BTRC: variants seen among roughly 807,000 people sequenced by gnomAD.
BTRC encodes beta-transducin repeat containing E3 ubiquitin protein ligase, also known as F-box/WD repeat-containing protein 1A.
Under a neutral mutation model 85.5 loss-of-function variants are expected in BTRC, and 42 were observed. That is an observed-to-expected ratio of 0.49 (90% CI 0.38 to 0.64). The LOEUF (loss-of-function observed/expected upper bound fraction) is 0.64, where lower values mean the gene tolerates loss of function less well. Among genes scored for constraint, BTRC ranks in the 30% least tolerant of loss-of-function variants. The pLI is 0.00. For missense variants in BTRC, 594 were observed against 743.5 expected (o/e 0.80, Z 2.34); for synonymous variants, 255 against 263.3 (o/e 0.97, Z 0.30).
intron 4 of BTRC, among the ~76,000 whole-genome samples, chr10:101,512,909 G>A (rs779555626): frequency 9.9e-5 from 15 of 152,210 alleles, no homozygotes; most frequent in African/African-American, 3.4e-4. Flanking sequence ...TTACCATTAA[G>A]CTGAGGCTGT....
chr10:101,453,035 A>T (rs1589487133), intron 2 of BTRC, among the ~76,000 whole-genome samples: 1 of 152,174 alleles, frequency 6.6e-6, no homozygotes, highest in African/African-American at 2.4e-5. Flanking sequence ...CCTTTCATAC[A>T]AGAGTTTGAG....
At chr10:101,386,037 C>T (rs1383509210) in intron 1 of BTRC, among the ~76,000 whole-genome samples, 1 of 152,022 alleles carries the variant, frequency 6.6e-6, no homozygotes, top group Non-Finnish European at 1.5e-5. Context: ...GATGACTTGG[C>T]TGGTAGTTAT....
chr10:101,390,921 G>C (rs1943222450), intron 1 of BTRC, among the ~76,000 whole-genome samples: 1 of 152,176 alleles, frequency 6.6e-6, no homozygotes, highest in African/African-American at 2.4e-5. Flanking sequence ...TTTAAGACTT[G>C]TAGGGAATTC....
intron 1 of BTRC, among the ~76,000 whole-genome samples, chr10:101,385,035 C>T (rs900342440): frequency 6.6e-6 from 1 of 151,924 alleles, no homozygotes; most frequent in Non-Finnish European, 1.5e-5. Flanking sequence ...CCAGCCTGGT[C>T]AACTTAGCAA....
At chr10:101,368,022 A>G (rs1942519969) in intron 1 of BTRC, among the ~76,000 whole-genome samples, 1 of 152,194 alleles carries the variant, frequency 6.6e-6, no homozygotes, top group African/African-American at 2.4e-5. Flanking sequence ...GTTTGAATAT[A>G]GCTTGTTTGG....
intron 1 of BTRC, among the ~76,000 whole-genome samples, chr10:101,379,471 T>TGTAG (rs1341177945): frequency 6.6e-6 from 1 of 152,218 alleles, no homozygotes; most frequent in Non-Finnish European, 1.5e-5. Flanking sequence ...GTCTTTAAAA[T>TGTAG]GTAGGTACAG....
intron 3 of BTRC, among the ~76,000 whole-genome samples, chr10:101,473,421 C>G (rs1254215365): frequency 6.7e-6 from 1 of 149,756 alleles, no homozygotes; most frequent in Non-Finnish European, 1.5e-5. Context: ...GTAGCTGGGA[C>G]TACAGGTGTG....
chr10:101,361,903 C>T (rs1276446070), intron 1 of BTRC, among the ~76,000 whole-genome samples: 2 of 152,152 alleles, frequency 1.3e-5, no homozygotes, highest in East Asian at 1.9e-4. Context: ...AGCAAAAGCC[C>T]TAGAGCTAAG....
intron 1 of BTRC, among the ~76,000 whole-genome samples, chr10:101,426,306 A>G (rs1223463283): frequency 3.9e-5 from 6 of 152,228 alleles, no homozygotes; most frequent in African/African-American, 1.4e-4. Flanking sequence ...TTGAGCCATA[A>G]TATATAAAAT....
chr10:101,538,145 G>A (rs2062414245), intron 12 of BTRC, 148 bp from the exon 13 acceptor site: 1 of 686,690 alleles, frequency 1.5e-6, no homozygotes, highest in East Asian at 2.7e-5. Context: ...TTTGGTTAAA[G>A]CTAGCCTGTT....
Position 101,460,556 on chromosome 10 carries a change from A to G in BTRC, c.157-1425A>G, listed in dbSNP as rs867229217. On this transcript the variant is annotated intron_variant, in intron 2 of 14. Transcript: ENST00000370187. ...TGTAAAATATCAAGTTAAACCTCAT[A>G]AGATATTTCTGCCCAAAAGAAACAC... Among the ~76,000 whole-genome samples the G allele has an allele frequency of 8.5e-5, 13 of 152,302 alleles. No homozygotes were observed. In the South Asian group the frequency reaches 1.9e-3, roughly 22 times the overall value.
chr10:101,394,935 G>A (rs895869099), intron 1 of BTRC, among the ~76,000 whole-genome samples: 9 of 152,154 alleles, frequency 5.9e-5, no homozygotes, highest in African/African-American at 2.2e-4. Flanking sequence ...CAGTTACCAA[G>A]AATGCTAGGA....
chr10:101,529,373 T>C (rs918707791), intron 6 of BTRC, among the ~76,000 whole-genome samples: 4 of 152,210 alleles, frequency 2.6e-5, no homozygotes, highest in African/African-American at 7.2e-5. Context: ...ATAGTATCAT[T>C]GCATAGGAAG....
chr10:101,484,538 G>C (rs532478116), intron 4 of BTRC, among the ~76,000 whole-genome samples: 1 of 152,312 alleles, frequency 6.6e-6, no homozygotes, highest in Admixed American at 6.5e-5. Context: ...CTCTGGGTCT[G>C]TGCTATTTAT....
intron 4 of BTRC, among the ~76,000 whole-genome samples, chr10:101,510,456 G>A (rs1039403878): frequency 6.6e-6 from 1 of 151,592 alleles, no homozygotes; most frequent in African/African-American, 2.4e-5. Context: ...CTTGCAGTGA[G>A]CCGAGATCGC....
intron 2 of BTRC, among the ~76,000 whole-genome samples, chr10:101,432,504 TTTTTG>T (rs1324531984): frequency 1.3e-5 from 2 of 152,128 alleles, no homozygotes; most frequent in Non-Finnish European, 2.9e-5. Flanking sequence ...TTTGTTGGTT[TTTTTG>T]TTTTGTTTTG....
rs1307154332 is a variant in BTRC, at chr10:101,354,219, C to G, written c.39C>G (p.Leu13=). 6.5e-7 allele frequency: 1 copy of G among 1,549,180 alleles called. No individual in the cohort carries two copies. The highest frequency in any genetic ancestry group is 1.2e-5 in the South Asian group (1 of 83,970). ...PAEAVLQEKA[L]KFMCSMPRSL... is the part of the protein sequence containing the mutation. ...AGGCGGTGCTGCAAGAGAAGGCACT[C>G]AAGTTTATGGTGAGGAGACGGTGGA... The change falls in exon 1 of 15, where the codon CTC becomes CTG. Residue 13 remains leucine, a synonymous_variant. Transcript: ENST00000370187.
In BTRC at chr10:101,434,503, T is replaced by C. The variant is rs190186577; in HGVS notation, c.156+4051T>C. Among the ~76,000 whole-genome samples, 225 of 152,180 alleles carry C rather than the reference T, an allele frequency of 1.5e-3. 1 individual carries two copies. The highest frequency in any genetic ancestry group is 3.4e-3 in the Middle Eastern group (1 of 294). ...AAACTAATAGAAAATGTGGCAAAAA[T>C]AATCATTGTGACTTTGGGTTAGGCA... On this transcript the variant is annotated intron_variant, in intron 2 of 14. Coordinates refer to ENST00000370187, the MANE Select transcript of BTRC (RefSeq NM_033637.4).
intron 1 of BTRC, among the ~76,000 whole-genome samples, chr10:101,370,819 G>A (rs1942613843): frequency 6.6e-6 from 1 of 152,080 alleles, no homozygotes; most frequent in Non-Finnish European, 1.5e-5. Context: ...TGATTCACCT[G>A]CCTCTGCCTC....
Sources: allele counts gnomAD v4.1 joint callset (sites outside exome capture counted in the v4.1 genomes callset), GRCh38; gene constraint gnomAD v4.1.1; transcripts MANE v1.5; gene names NCBI Gene and HGNC (gene_info 2026-07-23, HGNC 2026-07-21).